Variants in ZNF227 observed in about 807,000 individuals in gnomAD.
ZNF227 encodes zinc finger protein 227.
ZNF227 carries 12 observed loss-of-function variants against 13.2 expected under a neutral mutation model. The observed-to-expected ratio is 0.91, with a 90% CI of 0.58 to 1.47. The LOEUF (loss-of-function observed/expected upper bound fraction) is 1.47. Among genes scored for constraint, ZNF227 ranks in the 40% most tolerant of loss-of-function variants. ZNF227 has a pLI of 0.00. For synonymous variants in ZNF227, 338 were observed against 326.0 expected (o/e 1.04, Z -0.40); for missense variants, 885 against 967.5 (o/e 0.91, Z 1.13).
intron 5 of ZNF227, among the ~76,000 whole-genome samples, chr19:44,231,114 A>ATT (rs933641893): frequency 5.6e-4 from 80 of 141,976 alleles, no homozygotes; most frequent in African/African-American, 1.7e-3. Context: ...GATGATGTGA[A>ATT]TTTTTTTTTT....
chr19:44,220,029 C>T (rs1017020505), intron 3 of ZNF227, among the ~76,000 whole-genome samples: 51 of 149,286 alleles, frequency 3.4e-4, no homozygotes, highest in African/African-American at 1.2e-3. Flanking sequence ...GAACATGCAG[C>T]GTTTGGTTTT....
At chr19:44,227,701 A>T (rs1973323829) in intron 3 of ZNF227, among the ~76,000 whole-genome samples, 1 of 152,212 alleles carries the variant, frequency 6.6e-6, no homozygotes, top group East Asian at 1.9e-4. Flanking sequence ...AGATACAATG[A>T]TAAAGAAGAG....
In ZNF227 at chr19:44,217,983, T is replaced by C; in HGVS notation, c.60+131T>C. On this transcript the variant is annotated intron_variant, in intron 3 of 5. Coordinates refer to ENST00000313040, the MANE Select transcript of ZNF227 (RefSeq NM_182490.3). ...AGGACATGTGGTATGCTGACATGTA[T>C]GTGTTTTTTTGTTTTAGTTTATCAC... The C allele has an allele frequency of 3.0e-6, 3 of 984,414 alleles. No individual in the cohort carries two copies. The Admixed American group carries it at 7.9e-5, about 26-fold the overall frequency. 61.0% of individuals were successfully genotyped at this position (984,414 alleles called of 1,614,324 possible).
At chr19:44,210,781 G>C (rs1445597984), upstream of ZNF227, among the ~76,000 whole-genome samples, 1 of 152,156 alleles carries the variant, frequency 6.6e-6, no homozygotes, top group Non-Finnish European at 1.5e-5. Flanking sequence ...TTCTCTTAAG[G>C]GCACTGGATA....
At chr19:44,209,619 C>A (rs1376321110), upstream of ZNF227, among the ~76,000 whole-genome samples, 1 of 151,990 alleles carries the variant, frequency 6.6e-6, no homozygotes. Context: ...CGGAGTCTCG[C>A]TCTGTCGCCC....
At chr19:44,216,086 T>C (rs1000456674) in intron 2 of ZNF227, among the ~76,000 whole-genome samples, 1 of 151,560 alleles carries the variant, frequency 6.6e-6, no homozygotes, top group Admixed American at 6.6e-5. Flanking sequence ...CCCTCAAAAT[T>C]TGTCATTATA....
At chr19:44,226,789 G>T (rs971853680) in intron 3 of ZNF227, among the ~76,000 whole-genome samples, 1 of 151,998 alleles carries the variant, frequency 6.6e-6, no homozygotes, top group Non-Finnish European at 1.5e-5. Context: ...ACTGCCCTGC[G>T]CCCACTGTCT....
At chr19:44,231,897 A>G (rs1249174037) in intron 5 of ZNF227, among the ~76,000 whole-genome samples, 15 of 152,230 alleles carry the variant, frequency 9.9e-5, no homozygotes, top group Non-Finnish European at 2.2e-4. Context: ...ACTATCAAAA[A>G]TTATCAGTGG....
chr19:44,227,666 G>A (rs1048300440), intron 3 of ZNF227, among the ~76,000 whole-genome samples: 5 of 152,188 alleles, frequency 3.3e-5, no homozygotes, highest in Admixed American at 6.5e-5. Context: ...ATCCTTCTGT[G>A]TCAGGCTCAT....
intron 2 of ZNF227, among the ~76,000 whole-genome samples, chr19:44,215,271 A>G (rs1325020131): frequency 2.0e-5 from 3 of 148,730 alleles, no homozygotes; most frequent in Non-Finnish European, 4.4e-5. Flanking sequence ...GGTTCAAGCG[A>G]TTCTCCTGCC....
chr19:44,214,373 T>A (rs992217523), intron 2 of ZNF227, among the ~76,000 whole-genome samples: 1 of 151,326 alleles, frequency 6.6e-6, no homozygotes, highest in Non-Finnish European at 1.5e-5. Context: ...TTTTCTTTTT[T>A]CTTTTTTTTT....
intron 2 of ZNF227, chr19:44,217,432 G>A (rs1270093972): frequency 4.0e-6 from 2 of 496,838 alleles, no homozygotes; most frequent in Non-Finnish European, 7.9e-6. Flanking sequence ...ACAGAAGTGA[G>A]GCACAGAGAG....
At chr19:44,218,757 A>C (rs1185148939) in intron 3 of ZNF227, among the ~76,000 whole-genome samples, 1 of 152,246 alleles carries the variant, frequency 6.6e-6, no homozygotes, top group African/African-American at 2.4e-5. Flanking sequence ...TTTCCCAGGT[A>C]GCTGACTCAT....
At chr19:44,228,237 A>G (rs1258872399) in intron 3 of ZNF227, 3 of 495,856 alleles carry the variant, frequency 6.1e-6, no homozygotes, top group African/African-American at 2.0e-5. Context: ...TCAAAAAAGA[A>G]AAAAACAAAA....
At chr19:44,221,804 T>A (rs1972549876) in intron 3 of ZNF227, among the ~76,000 whole-genome samples, 1 of 152,234 alleles carries the variant, frequency 6.6e-6, no homozygotes, top group Admixed American at 6.5e-5. Flanking sequence ...TTGTTGCCAT[T>A]GCTTTTAGTG....
chr19:44,229,539 G>C (rs1461344682), intron 4 of ZNF227, among the ~76,000 whole-genome samples, 194 bp from the exon 5 acceptor site: 1 of 152,188 alleles, frequency 6.6e-6, no homozygotes, highest in Non-Finnish European at 1.5e-5. Context: ...TTGAACCCTG[G>C]AGGCAGAGGT....
upstream of ZNF227, chr19:44,212,382 T>TG (rs1971423854): frequency 7.0e-6 from 1 of 143,056 alleles, no homozygotes; most frequent in Non-Finnish European, 1.5e-5. Context: ...TTTTTTGTTT[T>TG]TTTTTTTTTC....
intron 3 of ZNF227, among the ~76,000 whole-genome samples, chr19:44,225,990 C>A (rs1430476474): frequency 1.3e-5 from 2 of 152,176 alleles, no homozygotes; most frequent in African/African-American, 4.8e-5. Context: ...ACAGACAGGA[C>A]CCTCAGCTGC....
rs756588574 is a variant in ZNF227, at chr19:44,236,093, A to G, written c.1663A>G (p.Lys555Glu). 2 of 1,614,134 alleles carry G rather than the reference A, an allele frequency of 1.2e-6. No individual in the cohort carries two copies. Among genetic ancestry groups the G allele is most frequent in the East Asian group, 2.2e-5 (1 of 44,886 alleles). The change falls in exon 6 of 6, where the codon AAG (lysine) becomes GAG (glutamate). Residue 555 changes from lysine (K) to glutamate (E), a missense_variant. By Grantham distance (56) the Lys-to-Glu change is moderately conservative. Transcript: ENST00000313040. ...EKPYRCDVCGKDFSYSSNLKL... is the reference protein window; with the variant it reads ...EKPYRCDVCGEDFSYSSNLKL... ...ACCATATAGATGTGATGTGTGTGGT[A>G]AGGACTTCAGTTATAGTTCAAATCT...
Sources: allele counts gnomAD v4.1 joint callset (sites outside exome capture counted in the v4.1 genomes callset), GRCh38; gene constraint gnomAD v4.1.1; transcripts MANE v1.5; gene names NCBI Gene and HGNC (gene_info 2026-07-23, HGNC 2026-07-21).